Variants in TOX3 observed in about 807,000 individuals in gnomAD.
The protein encoded by TOX3 is CAG trinucleotide repeat-containing gene F9 protein.
TOX3 carries 22 observed loss-of-function variants against 64.3 expected under a neutral mutation model. That is an observed-to-expected ratio of 0.34 (90% CI 0.24 to 0.49). The LOEUF is 0.49. TOX3 is among the 20% of genes least tolerant of loss of function. TOX3 has a pLI of 0.99. For missense variants in TOX3, 661 were observed against 714.4 expected, an observed-to-expected ratio of 0.93 and a Z score of 0.85; for synonymous variants, 291 against 273.6, an observed-to-expected ratio of 1.06 and a Z score of -0.63.
intron 1 of TOX3, among the ~76,000 whole-genome samples, chr16:52,540,071 T>G (rs1002897465): frequency 6.6e-6 from 1 of 151,962 alleles, no homozygotes; most frequent in African/African-American, 2.4e-5. Context: ...CTCTAACCAA[T>G]CCACCGGTCC....
intron 2 of TOX3, 61 bp downstream of exon 2, chr16:52,468,448 C>T: frequency 6.9e-7 from 1 of 1,441,258 alleles, no homozygotes; most frequent in Non-Finnish European, 9.7e-7. Flanking sequence ...TCCCTTCAAG[C>T]CTATTAAATT....
chr16:52,442,329 G>T, intron 6 of TOX3, among the ~76,000 whole-genome samples: 1 of 152,170 alleles, frequency 6.6e-6, no homozygotes, highest in Non-Finnish European at 1.5e-5. Flanking sequence ...TATTTCTGAT[G>T]CTGGGGCTGA....
At position 52,467,292 on chromosome 16, in the gene TOX3, G is replaced by A. The variant is rs377454418; in HGVS notation, c.153+1217C>T. Among the ~76,000 whole-genome samples, 21 of 152,140 alleles carry A rather than the reference G, an allele frequency of 1.4e-4. No individual in the cohort carries two copies. The South Asian group carries it at 4.4e-3, about 32-fold the overall frequency. On this transcript the variant is annotated intron_variant, in intron 2 of 6. Transcript: ENST00000219746. The stretch of plus-strand genomic sequence containing the variant: ...ATCCTACAGAATGAAACATCATGTC[G>A]TCCTTACAGATGGGGTTTGTGTTCA...
At chr16:52,541,257 A>G (rs1044339694) in intron 1 of TOX3, among the ~76,000 whole-genome samples, 3 of 152,198 alleles carry the variant, frequency 2.0e-5, no homozygotes, top group Non-Finnish European at 4.4e-5. Flanking sequence ...ACTACCGTAC[A>G]TAGCATGAGA....
intron 3 of TOX3, among the ~76,000 whole-genome samples, chr16:52,463,692 T>TA (rs377712910): frequency 2.3e-4 from 35 of 151,714 alleles, no homozygotes; most frequent in Middle Eastern, 3.4e-3. Context: ...AATTAGACTT[T>TA]AAAAAAAAAT....
intron 1 of TOX3, among the ~76,000 whole-genome samples, chr16:52,509,727 A>T (rs192252168): frequency 6.6e-6 from 1 of 152,344 alleles, no homozygotes; most frequent in Non-Finnish European, 1.5e-5. Flanking sequence ...TGCACACACA[A>T]ACAGGCATAA....
At chr16:52,522,963 G>T (rs985315380) in intron 1 of TOX3, among the ~76,000 whole-genome samples, 1 of 152,190 alleles carries the variant, frequency 6.6e-6, no homozygotes, top group Non-Finnish European at 1.5e-5. Flanking sequence ...ATGAAGCAAC[G>T]AACAAAAGAG....
chr16:52,450,000 C>T (rs181254589), intron 4 of TOX3, among the ~76,000 whole-genome samples: 3 of 152,318 alleles, frequency 2.0e-5, no homozygotes, highest in Non-Finnish European at 4.4e-5. Context: ...CCAAGCCTTC[C>T]TTTTGCAGAT....
At chr16:52,491,867 G>T (rs764771223) in intron 1 of TOX3, among the ~76,000 whole-genome samples, 42 of 152,160 alleles carry the variant, frequency 2.8e-4, no homozygotes, top group African/African-American at 6.5e-4. Context: ...ACGCCAGTAT[G>T]TTTCAATATT....
Position 52,468,590 on chromosome 16 carries a change from T to A in TOX3, c.88-16A>T, listed in dbSNP as rs1229576860. 2.1e-5 allele frequency: 33 copies of A among 1,585,344 alleles called. No homozygotes were observed. The highest frequency in any genetic ancestry group is 1.9e-4 in the Admixed American group (11 of 59,310). The stretch of plus-strand genomic sequence containing the variant: ...TATTTCCAAACTGAAAGAAAACAGA[T>A]TGTTTTACGTTAATATGCGGCATAA... On this transcript the variant is annotated splice_polypyrimidine_tract_variant and intron_variant, in intron 1 of 6. Transcript: ENST00000219746.
intron 1 of TOX3, among the ~76,000 whole-genome samples, chr16:52,508,702 C>T (rs1352031793): frequency 6.6e-6 from 1 of 151,738 alleles, no homozygotes; most frequent in Non-Finnish European, 1.5e-5. Context: ...TCTCTGGGGG[C>T]AGGAAGGGAG....
chr16:52,472,523 T>C (rs1414676502), intron 1 of TOX3, among the ~76,000 whole-genome samples: 2 of 152,322 alleles, frequency 1.3e-5, no homozygotes, highest in South Asian at 2.1e-4. Flanking sequence ...GAATTTTTAA[T>C]TATTCATTCT....
At chr16:52,539,017 G>C (rs1963020987) in intron 1 of TOX3, among the ~76,000 whole-genome samples, 1 of 151,262 alleles carries the variant, frequency 6.6e-6, no homozygotes, top group Non-Finnish European at 1.5e-5. Flanking sequence ...ATTTGAGTTT[G>C]TAAGTATACT....
In TOX3 at chr16:52,446,122, A is replaced by T; in HGVS notation, c.778T>A (p.Ser260Thr). The change falls in exon 5 of 7, where the codon TCA (serine) becomes ACA (threonine). Residue 260 changes from serine (S) to threonine (T), a missense_variant. By Grantham distance (58) the Ser-to-Thr change is moderately conservative. Transcript: ENST00000219746. ...TCTCTGAAAAACAGGGCATATGCTG[A>T]CACTGGCTTCTGTGGCTCATTGGGA... is the stretch of plus-strand genomic sequence containing the variant. The part of the protein sequence containing the change: ...KDPNEPQKPV[S>T]AYALFFRDTQ... The T allele has an allele frequency of 6.2e-7, 1 of 1,613,972 alleles. No individual in the cohort carries two copies. The highest frequency in any genetic ancestry group is 8.5e-7 in the Non-Finnish European group (1 of 1,179,852).
At chr16:52,534,110 T>C (rs1962902347) in intron 1 of TOX3, among the ~76,000 whole-genome samples, 1 of 152,144 alleles carries the variant, frequency 6.6e-6, no homozygotes, top group African/African-American at 2.4e-5. Flanking sequence ...GGAATATCCA[T>C]TGTGGACAAT....
intron 1 of TOX3, among the ~76,000 whole-genome samples, chr16:52,543,185 G>A (rs1434871330): frequency 6.6e-6 from 1 of 152,162 alleles, no homozygotes; most frequent in Non-Finnish European, 1.5e-5. Flanking sequence ...TTTTGGGATG[G>A]CAGAATTCTG....
Position 52,439,191 on chromosome 16 carries a change from T to G in TOX3, c.*34A>C, listed in dbSNP as rs1382958297. On this transcript the variant is annotated 3_prime_UTR_variant, in exon 7 of 7. Transcript: ENST00000219746. ...GCTTTTCCCTCCTATGCCACTCTCC[T>G]TGGTATACGCAAATCCGTCTGCCAT... is the stretch of plus-strand genomic sequence containing the variant. 6.2e-7 allele frequency: 1 copy of G among 1,613,462 alleles called. No homozygotes were observed. The highest frequency in any genetic ancestry group is 1.1e-5 in the South Asian group (1 of 90,890).
chr16:52,545,821 C>T (rs1437261360), intron 1 of TOX3, among the ~76,000 whole-genome samples: 1 of 152,148 alleles, frequency 6.6e-6, no homozygotes, highest in Non-Finnish European at 1.5e-5. Context: ...GCGACTCTCG[C>T]CCGCCTCGCT....
At chr16:52,468,380 C>T in intron 2 of TOX3, 129 bp downstream of exon 2, 2 of 685,184 alleles carry the variant, frequency 2.9e-6, no homozygotes, top group Non-Finnish European at 4.8e-6. Context: ...TCTCTTTTCT[C>T]CTCCAAAGTA....
Sources: gnomAD v4.1 joint callset for allele counts (sites outside exome capture counted in the v4.1 genomes callset) on GRCh38, gnomAD v4.1.1 for gene constraint, MANE v1.5 for transcripts, NCBI Gene and HGNC (gene_info 2026-07-23, HGNC 2026-07-21) for gene names.